Variants in ROBO2 observed in about 807,000 individuals in gnomAD.
ROBO2 encodes the protein roundabout homolog 2.
In ROBO2, 53 loss-of-function variants were observed where a neutral mutation model predicts 160.8. That is an observed-to-expected ratio of 0.33 (90% CI 0.26 to 0.41). The LOEUF is 0.41. ROBO2 is among the 10% of genes least tolerant of loss of function. The pLI, the probability that ROBO2 is intolerant of heterozygous loss-of-function variation, is 1.00. For missense variants in ROBO2, 1,577 were observed against 1,722.4 expected (o/e 0.92, Z 1.49); for synonymous variants, 664 against 611.7 (o/e 1.09, Z -1.26).
At chr3:76,587,638 C>T (rs1469753593) in intron 2 of ROBO2, among the ~76,000 whole-genome samples, 3 of 152,168 alleles carry the variant, frequency 2.0e-5, no homozygotes, top group Non-Finnish European at 4.4e-5. Flanking sequence ...TCCCACAACA[C>T]GTGGGGATTA....
At chr3:77,541,493 G>T (rs2092458584) in intron 6 of ROBO2, among the ~76,000 whole-genome samples, 1 of 152,180 alleles carries the variant, frequency 6.6e-6, no homozygotes. Context: ...ACTGTGCATT[G>T]TATTTAAATT....
At chr3:76,682,333 G>A (rs1319100751) in intron 2 of ROBO2, among the ~76,000 whole-genome samples, 1 of 152,094 alleles carries the variant, frequency 6.6e-6, no homozygotes, top group East Asian at 1.9e-4. Flanking sequence ...GTACATATTG[G>A]TGTGGAAGAT....
chr3:77,194,471 C>T (rs1201034386), intron 2 of ROBO2, among the ~76,000 whole-genome samples: 2 of 152,170 alleles, frequency 1.3e-5, no homozygotes, highest in Admixed American at 1.3e-4. Flanking sequence ...CTTCTGATTA[C>T]ATATACTAGA....
chr3:76,722,369 C>G (rs1033281248), intron 2 of ROBO2, among the ~76,000 whole-genome samples: 1 of 152,104 alleles, frequency 6.6e-6, no homozygotes, highest in South Asian at 2.1e-4. Context: ...ATCCGCCCTT[C>G]TCAGCCTCCC....
intron 2 of ROBO2, among the ~76,000 whole-genome samples, chr3:76,048,385 AC>A: frequency 6.6e-6 from 1 of 152,308 alleles, no homozygotes; most frequent in Middle Eastern, 3.4e-3. Context: ...TCCTGCAGTG[AC>A]AGGAAGACAC....
At chr3:77,320,628 T>A (rs762108347) in intron 2 of ROBO2, among the ~76,000 whole-genome samples, 1 of 152,092 alleles carries the variant, frequency 6.6e-6, no homozygotes, top group Non-Finnish European at 1.5e-5. Flanking sequence ...AAGGTACTGA[T>A]TTGTATGTTG....
At chr3:76,274,558 G>C (rs1021051464) in intron 2 of ROBO2, among the ~76,000 whole-genome samples, 5 of 152,132 alleles carry the variant, frequency 3.3e-5, no homozygotes, top group Non-Finnish European at 7.4e-5. Flanking sequence ...ATATAGCAGG[G>C]CCGGGCACGG....
At chr3:76,316,711 A>G (rs2072062248) in intron 2 of ROBO2, among the ~76,000 whole-genome samples, 1 of 152,244 alleles carries the variant, frequency 6.6e-6, no homozygotes, top group Non-Finnish European at 1.5e-5. Flanking sequence ...ATAAATGTCT[A>G]TGAAATCTTC....
intron 2 of ROBO2, among the ~76,000 whole-genome samples, chr3:76,140,107 T>C (rs1338611836): frequency 1.3e-5 from 2 of 152,180 alleles, no homozygotes; most frequent in East Asian, 3.9e-4. Flanking sequence ...ACTAGGCAGC[T>C]TTTGACTATA....
intron 2 of ROBO2, among the ~76,000 whole-genome samples, chr3:76,513,780 A>G (rs1340979750): frequency 3.3e-5 from 5 of 152,204 alleles, no homozygotes; most frequent in African/African-American, 4.8e-5. Context: ...CTATCAGACT[A>G]TCCCAATCTT....
At chr3:75,973,633 T>C (rs2065054087) in intron 2 of ROBO2, among the ~76,000 whole-genome samples, 1 of 151,590 alleles carries the variant, frequency 6.6e-6, no homozygotes, top group African/African-American at 2.4e-5. Context: ...TTGTCTGGAA[T>C]AATGGAAATT....
chr3:77,464,917 C>A (rs2082616035), intron 2 of ROBO2, among the ~76,000 whole-genome samples: 1 of 152,070 alleles, frequency 6.6e-6, no homozygotes, highest in South Asian at 2.1e-4. Flanking sequence ...ATGTCAAGGG[C>A]AGTATTAAAC....
chr3:77,213,406 T>C (rs1427473430), intron 2 of ROBO2, among the ~76,000 whole-genome samples: 1 of 152,224 alleles, frequency 6.6e-6, no homozygotes, highest in Non-Finnish European at 1.5e-5. Context: ...TTTGTATTTC[T>C]ATGGGATCGG....
chr3:76,219,697 G>A (rs1703826232), intron 2 of ROBO2, among the ~76,000 whole-genome samples: 1 of 152,146 alleles, frequency 6.6e-6, no homozygotes, highest in African/African-American at 2.4e-5. Context: ...GAGAGGATGT[G>A]GAGAAATAGG....
chr3:76,959,562 T>A (rs2079505324), intron 2 of ROBO2, among the ~76,000 whole-genome samples: 1 of 152,134 alleles, frequency 6.6e-6, no homozygotes, highest in African/African-American at 2.4e-5. Context: ...TCAAAGGTAG[T>A]TTTTTATTGC....
intron 3 of ROBO2, among the ~76,000 whole-genome samples, chr3:77,480,470 C>T (rs1184014352): frequency 2.6e-5 from 4 of 152,072 alleles, no homozygotes; most frequent in Non-Finnish European, 5.9e-5. Context: ...CTATTAGATG[C>T]TAATGGTTTA....
chr3:77,159,294 C>T (rs372261568), intron 2 of ROBO2, among the ~76,000 whole-genome samples: 1 of 152,060 alleles, frequency 6.6e-6, no homozygotes, highest in Non-Finnish European at 1.5e-5. Flanking sequence ...TACCCTTTTT[C>T]TTTTAGTTAT....
intron 2 of ROBO2, among the ~76,000 whole-genome samples, chr3:76,777,052 G>A (rs1018967348): frequency 2.0e-5 from 3 of 150,998 alleles, no homozygotes; most frequent in Non-Finnish European, 3.0e-5. Flanking sequence ...AATCCTTAAT[G>A]TGAAATGAAG....
At chr3:77,116,410 C>T (rs895292252) in intron 2 of ROBO2, among the ~76,000 whole-genome samples, 3 of 152,054 alleles carry the variant, frequency 2.0e-5, no homozygotes, top group Admixed American at 6.6e-5. Flanking sequence ...GGGTATTTCT[C>T]GTTTCAGAAG....
Sources: gnomAD v4.1 joint callset for allele counts (sites outside exome capture counted in the v4.1 genomes callset) on GRCh38, gnomAD v4.1.1 for gene constraint, MANE v1.5 for transcripts, NCBI Gene and HGNC (gene_info 2026-07-23, HGNC 2026-07-21) for gene names.